Variants in ELOVL4 observed in about 807,000 individuals in gnomAD.
ELOVL4 encodes the protein very long chain fatty acid elongase 4.
In ELOVL4, 18 loss-of-function variants were observed where a neutral mutation model predicts 42.1. That is an observed-to-expected ratio of 0.43 (90% confidence interval 0.30 to 0.63). The LOEUF (loss-of-function observed/expected upper bound fraction) is 0.63. Among genes scored for constraint, ELOVL4 ranks in the 30% least tolerant of loss-of-function variants. The probability of loss-of-function intolerance (pLI) is 0.15; values close to 1 mark genes in which losing one functional copy is unlikely to be tolerated. For missense variants in ELOVL4, 299 were observed against 376.2 expected (o/e 0.79, Z 1.70); for synonymous variants, 117 against 127.0 (o/e 0.92, Z 0.53).
chr6:79,927,323 T>C (rs2127699591), intron 1 of ELOVL4, among the ~76,000 whole-genome samples: 1 of 152,270 alleles, frequency 6.6e-6, no homozygotes, highest in East Asian at 1.9e-4. Context: ...TAATTTCTAG[T>C]TTATTCTTGG....
At chr6:79,944,451 A>C (rs1774702797) in intron 1 of ELOVL4, among the ~76,000 whole-genome samples, 1 of 152,230 alleles carries the variant, frequency 6.6e-6, no homozygotes, top group South Asian at 2.1e-4. Context: ...AGAGAAATAA[A>C]AATTATTTTT....
In ELOVL4 at chr6:79,940,039, T is replaced by C. The variant is rs1022817279; in HGVS notation, c.100+7141A>G. Among the ~76,000 whole-genome samples, 4 of 152,218 alleles carry C rather than the reference T, an allele frequency of 2.6e-5. No homozygotes were observed. In the East Asian group the frequency reaches 7.7e-4, roughly 29 times the overall value. ...TGGGTCGTTTCCACCTCTTAACTAC[T>C]GTGAATAATGCTGCTATGTACGTGT... On this transcript the variant is annotated intron_variant, in intron 1 of 5. Transcript: ENST00000369816.
intron 1 of ELOVL4, 38 bp downstream of exon 1, chr6:79,947,142 G>T: frequency 1.3e-6 from 2 of 1,553,610 alleles, no homozygotes; most frequent in Non-Finnish European, 8.8e-7. Flanking sequence ...GACCCCCCGC[G>T]GGGGACCGAG....
At chr6:79,934,103 T>C (rs941409413) in intron 1 of ELOVL4, among the ~76,000 whole-genome samples, 1 of 152,184 alleles carries the variant, frequency 6.6e-6, no homozygotes, top group Non-Finnish European at 1.5e-5. Context: ...TCCAGTAGCC[T>C]CTGGAGCTGC....
intron 4 of ELOVL4, among the ~76,000 whole-genome samples, 155 bp downstream of exon 4, chr6:79,921,459 CAAAAAAAAAAA>C (rs1168483827): frequency 0.051 from 2,148 of 42,382 alleles, 15 homozygotes; most frequent in South Asian, 0.12. Context: ...GACTCCATCT[CAAAAAAAAAAA>C]AAAAAAAAAA....
At position 79,921,796 on chromosome 6, in the gene ELOVL4, T is replaced by C. The variant is rs192103032; in HGVS notation, c.370A>G (p.Ile124Val). The C allele has an allele frequency of 3.1e-6, 5 of 1,613,948 alleles. No individual in the cohort carries two copies. The highest frequency in any genetic ancestry group is 4.5e-5 in the East Asian group (2 of 44,848). The part of the protein sequence containing the change: ...DYSNNVHEVR[I>V]AAALWWYFVS... ...AAGTACCACCACAGAGCAGCAGCTA[T>C]CTGTAAAAAGGGAAAGCGTGTTATA... The change falls in exon 4 of 6, where the codon ATA becomes GTA. Residue 124 changes from isoleucine to valine, a missense_variant and splice_region_variant. Coordinates refer to ENST00000369816, the MANE Select transcript of ELOVL4 (RefSeq NM_022726.4).
At chr6:79,940,877 ATAAT>A (rs1448135375) in intron 1 of ELOVL4, among the ~76,000 whole-genome samples, 1 of 152,230 alleles carries the variant, frequency 6.6e-6, no homozygotes, top group African/African-American at 2.4e-5. Flanking sequence ...AGGAATCCAG[ATAAT>A]TAAACAGGTA....
At chr6:79,932,531 G>A (rs1413192944) in intron 1 of ELOVL4, among the ~76,000 whole-genome samples, 1 of 149,306 alleles carries the variant, frequency 6.7e-6, no homozygotes. Context: ...GTGACAGAGA[G>A]AGAGAGAGAG....
In ELOVL4 at chr6:79,915,442, T is replaced by G. The variant is rs2127697340; in HGVS notation, c.*1166A>C. On this transcript the variant is annotated 3_prime_UTR_variant, in exon 6 of 6. Transcript: ENST00000369816. ...TCAAGAATATTGCACCAAAATGGGT[T>G]TATACTTCATACCTAGTTAATAAAT... 1 of 152,692 alleles carries G rather than the reference T, an allele frequency of 6.5e-6. No individual in the cohort carries two copies. Among genetic ancestry groups the G allele is most frequent in the African/African-American group, 2.4e-5 (1 of 41,570 alleles). 9.5% of individuals were successfully genotyped at this position (152,692 alleles called of 1,614,324 possible). A position where few individuals can be genotyped will look rare whatever the true frequency, so the allele number is the denominator to read the frequency against.
chr6:79,943,694 A>C (rs1365813440), intron 1 of ELOVL4, among the ~76,000 whole-genome samples: 1 of 152,128 alleles, frequency 6.6e-6, no homozygotes, highest in Non-Finnish European at 1.5e-5. Context: ...GCAGTGACCA[A>C]GTGTCCTCCT....
intron 4 of ELOVL4, 30 bp from the exon 5 acceptor site, chr6:79,919,577 T>C: frequency 1.9e-6 from 3 of 1,610,272 alleles, no homozygotes; most frequent in Non-Finnish European, 2.5e-6. Flanking sequence ...AATTACAAGA[T>C]ACAGAAAATT....
At chr6:79,946,995 T>A (rs1003467918) in intron 1 of ELOVL4, among the ~76,000 whole-genome samples, 185 bp downstream of exon 1, 3 of 152,082 alleles carry the variant, frequency 2.0e-5, no homozygotes, top group Non-Finnish European at 4.4e-5. Context: ...AGGGGAGGCC[T>A]TAACATTCGG....
chr6:79,926,277 C>T lies in ELOVL4; in HGVS notation c.205G>A (p.Asp69Asn), dbSNP rs1774341351. The T allele has an allele frequency of 6.2e-7, 1 of 1,613,966 alleles. No homozygotes were observed. Among genetic ancestry groups the T allele is most frequent in the South Asian group, 1.1e-5 (1 of 91,080 alleles). Residue 69 changes from aspartate (D) to asparagine (N), a missense_variant, in exon 2 of 6, where the codon GAC becomes AAC. Transcript: ENST00000369816. ...FVWLGPKWMK[D>N]REPFQMRLVL... Reference sequence around the variant, plus strand: ...AGACGCATCTGAAAAGGTTCTCGGTCCTTCATCCATTTTGGACCCAGCCAC... The same window carrying T: ...AGACGCATCTGAAAAGGTTCTCGGTTCTTCATCCATTTTGGACCCAGCCAC...
chr6:79,943,441 C>A (rs1392629432), intron 1 of ELOVL4, among the ~76,000 whole-genome samples: 1 of 152,164 alleles, frequency 6.6e-6, no homozygotes, highest in East Asian at 1.9e-4. Context: ...ACAGTACTCA[C>A]ATCAACTCCT....
intron 1 of ELOVL4, among the ~76,000 whole-genome samples, chr6:79,937,673 T>G (rs114769393): frequency 6.6e-6 from 1 of 152,216 alleles, no homozygotes; most frequent in African/African-American, 2.4e-5. Flanking sequence ...ATGGTATTTA[T>G]TGAATAAATA....
chr6:79,928,451 G>A (rs952452497), intron 1 of ELOVL4, among the ~76,000 whole-genome samples: 2 of 151,976 alleles, frequency 1.3e-5, no homozygotes, highest in Admixed American at 6.6e-5. Context: ...AAAGAAATAG[G>A]TCCAAACCTC....
intron 1 of ELOVL4, among the ~76,000 whole-genome samples, chr6:79,929,039 G>A (rs919708462): frequency 3.3e-5 from 5 of 151,828 alleles, no homozygotes; most frequent in African/African-American, 1.2e-4. Flanking sequence ...CACTGGCTCT[G>A]CTACTGTGCA....
Position 79,924,973 on chromosome 6 carries a change from A to C in ELOVL4, c.348T>G (p.Ser116=). The part of the protein sequence containing the change: ...YSYICQSVDY[S]NNVHEVRIAA... The stretch of plus-strand genomic sequence containing the variant: ...TTACCCTGACTTCATGAACATTATT[A>C]GAATAATCCACACTCTGGCAAATAT... Residue 116 remains serine, a synonymous_variant, in exon 3 of 6, where the codon TCT becomes TCG. Transcript: ENST00000369816. 6.2e-7 allele frequency: 1 copy of C among 1,605,494 alleles called. No individual in the cohort carries two copies. The highest frequency in any genetic ancestry group is 8.5e-7 in the Non-Finnish European group (1 of 1,172,228).
intron 2 of ELOVL4, among the ~76,000 whole-genome samples, 177 bp from the exon 3 acceptor site, chr6:79,925,209 TG>T (rs1774323953): frequency 2.0e-5 from 3 of 152,212 alleles, no homozygotes. Context: ...TGCATTAATT[TG>T]TTCTATAATT....
Sources: allele counts gnomAD v4.1 joint callset (sites outside exome capture counted in the v4.1 genomes callset), GRCh38; gene constraint gnomAD v4.1.1; transcripts MANE v1.5; gene names NCBI Gene and HGNC (gene_info 2026-07-23, HGNC 2026-07-21).